Variants in RGS6 observed in about 807,000 individuals in gnomAD.
The protein encoded by RGS6 is regulator of G protein signaling 6.
Under a neutral mutation model 78.5 loss-of-function variants are expected in RGS6, and 30 were observed. The observed-to-expected ratio is 0.38, with a 90% CI of 0.29 to 0.52. RGS6 has a LOEUF of 0.52. Ranked by LOEUF, RGS6 falls within the 20% of genes least tolerant of loss-of-function variation. RGS6 has a pLI of 0.85. For missense variants in RGS6, 495 were observed against 609.7 expected (o/e 0.81, Z 1.98); for synonymous variants, 206 against 206.0 (o/e 1.00, Z 0.00).
chr14:72,252,696 A>C (rs186636911), intron 2 of RGS6, among the ~76,000 whole-genome samples: 1 of 152,202 alleles, frequency 6.6e-6, no homozygotes, highest in Admixed American at 6.5e-5. Flanking sequence ...ATCTATGTCT[A>C]CTCAAAGTAG....
chr14:72,017,461 T>G (rs1189436353), intron 2 of RGS6, among the ~76,000 whole-genome samples: 1 of 152,256 alleles, frequency 6.6e-6, no homozygotes, highest in South Asian at 2.1e-4. Flanking sequence ...TTTCATGATA[T>G]CACCTGTTTT....
chr14:72,277,262 A>G (rs564683939), intron 2 of RGS6, among the ~76,000 whole-genome samples: 47 of 152,308 alleles, frequency 3.1e-4, no homozygotes, highest in African/African-American at 1.1e-3. Flanking sequence ...GATGTTTACT[A>G]TGAGCCCCTT....
At chr14:72,613,256 A>G in the RGS6 span, among the ~76,000 whole-genome samples, 1 of 152,020 alleles carries the variant, frequency 6.6e-6, no homozygotes, top group Non-Finnish European at 1.5e-5. Flanking sequence ...AGGCCCACTT[A>G]CCTGCCCTCC....
Position 72,395,791 on chromosome 14 carries a change from T to G in RGS6, c.184+43597T>G, listed in dbSNP as rs564594212. 7.2e-5 allele frequency among the ~76,000 whole-genome samples: 11 copies of G among 152,302 alleles called. No individual in the cohort carries two copies. In the East Asian group the frequency reaches 2.1e-3, roughly 29 times the overall value. ...AGTGAGAACATGTGGTGTTTGGTTT[T>G]TTTCCCTTGCGATAGTTTGCTGAGA... On this transcript the variant is annotated intron_variant, in intron 3 of 17. Transcript: ENST00000553525.
chr14:72,600,207 A>G, the RGS6 span, among the ~76,000 whole-genome samples: 74 of 152,134 alleles, frequency 4.9e-4, no homozygotes, highest in African/African-American at 1.6e-3. Flanking sequence ...ACCCTGGGAA[A>G]GTACACGAAC....
chr14:72,237,167 C>T (rs1185566736), intron 2 of RGS6, among the ~76,000 whole-genome samples: 1 of 152,204 alleles, frequency 6.6e-6, no homozygotes, highest in African/African-American at 2.4e-5. Context: ...TTTTTGTTTG[C>T]ATATGTCAGT....
Position 72,282,246 on chromosome 14 carries a change from A to G in RGS6, c.85-69849A>G, listed in dbSNP as rs1025657539. Among the ~76,000 whole-genome samples the G allele has an allele frequency of 2.6e-5, 4 of 152,302 alleles. 1 individual carries two copies. ...CCTGCGAGTCACTTTTCTCTATCAA[A>G]TATACTTGACCTTCATGTGACCCTT... On this transcript the variant is annotated intron_variant, in intron 2 of 17. Transcript: ENST00000553525.
intron 2 of RGS6, among the ~76,000 whole-genome samples, chr14:72,350,515 C>T (rs911898427): frequency 6.6e-6 from 1 of 152,094 alleles, no homozygotes; most frequent in Non-Finnish European, 1.5e-5. Context: ...CCAGTTCTGG[C>T]CAAGGATTGT....
At chr14:72,340,501 A>C (rs767442664) in intron 2 of RGS6, among the ~76,000 whole-genome samples, 3 of 152,160 alleles carry the variant, frequency 2.0e-5, no homozygotes, top group Non-Finnish European at 4.4e-5. Context: ...CGTGCAAGGC[A>C]GACAAGGGCC....
chr14:72,043,159 T>C (rs765682659), intron 2 of RGS6, among the ~76,000 whole-genome samples: 26 of 152,300 alleles, frequency 1.7e-4, no homozygotes, highest in Non-Finnish European at 3.4e-4. Flanking sequence ...ATACTTTTTT[T>C]AGATTTGTGG....
chr14:72,181,164 T>A (rs1322418493), intron 2 of RGS6, among the ~76,000 whole-genome samples: 1 of 152,240 alleles, frequency 6.6e-6, no homozygotes, highest in Non-Finnish European at 1.5e-5. Context: ...TTAATTATAA[T>A]TCACATCAGA....
rs529374337 is a variant in RGS6 at position 72,132,279 on chromosome 14, C to CTTTT, written c.84+167417_84+167420dup. On this transcript the variant is annotated intron_variant, in intron 2 of 17. Coordinates refer to ENST00000553525, the MANE Select transcript of RGS6 (RefSeq NM_001204424.2). ...TTTTGTATGTATTCTTCTTCTTCTT[C>CTTTT]TTTTTTTTTTTTTTTTAGGTGGAGT... Among the ~76,000 whole-genome samples the CTTTT allele has an allele frequency of 6.0e-3, 833 of 137,972 alleles. 19 individuals are homozygous for CTTTT. The highest frequency in any genetic ancestry group is 0.055 in the Admixed American group (738 of 13,530). 90.5% of individuals were successfully genotyped at this position (137,972 alleles called of 152,430 possible).
chr14:72,539,831 C>T (rs779824483), intron 16 of RGS6, among the ~76,000 whole-genome samples: 3 of 152,220 alleles, frequency 2.0e-5, no homozygotes, highest in Non-Finnish European at 4.4e-5. Flanking sequence ...TCCAAGGAGG[C>T]GGCACCATTT....
chr14:72,378,672 C>A (rs1419494795), intron 3 of RGS6, among the ~76,000 whole-genome samples: 1 of 151,992 alleles, frequency 6.6e-6, no homozygotes, highest in Non-Finnish European at 1.5e-5. Context: ...AGGTCAATAA[C>A]AAGTAATAAG....
intron 3 of RGS6, among the ~76,000 whole-genome samples, chr14:72,445,295 T>A (rs2095336206): frequency 6.6e-6 from 1 of 152,214 alleles, no homozygotes; most frequent in East Asian, 1.9e-4. Flanking sequence ...GTTCAAGCAC[T>A]TCTCCTGCCT....
At chr14:71,909,339 AC>A in the RGS6 span, among the ~76,000 whole-genome samples, 1 of 152,006 alleles carries the variant, frequency 6.6e-6, no homozygotes, top group South Asian at 2.1e-4. Context: ...CTGTATCGGG[AC>A]CCTCTCTTCG....
chr14:72,182,023 G>T (rs2097179301), intron 2 of RGS6, among the ~76,000 whole-genome samples: 1 of 152,192 alleles, frequency 6.6e-6, no homozygotes, highest in African/African-American at 2.4e-5. Flanking sequence ...TTATGGTTCA[G>T]TTTGGATTTT....
intron 15 of RGS6, among the ~76,000 whole-genome samples, chr14:72,519,520 C>T (rs1879517387): frequency 6.6e-6 from 1 of 152,134 alleles, no homozygotes; most frequent in South Asian, 2.1e-4. Flanking sequence ...GAACAGTGTC[C>T]CTTATCATCC....
At chr14:72,558,321 C>T (rs2097614451) in intron 17 of RGS6, among the ~76,000 whole-genome samples, 2 of 152,160 alleles carry the variant, frequency 1.3e-5, no homozygotes, top group Non-Finnish European at 2.9e-5. Context: ...CCTCCCTGAG[C>T]CGCTAGTGCT....
Sources: allele counts gnomAD v4.1 joint callset (sites outside exome capture counted in the v4.1 genomes callset), GRCh38; gene constraint gnomAD v4.1.1; transcripts MANE v1.5; gene names NCBI Gene and HGNC (gene_info 2026-07-23, HGNC 2026-07-21).